The following CNTROB variants were observed in gnomAD, a reference collection of about 807,000 sequenced individuals.
CNTROB encodes the protein centrobin.
CNTROB carries 82 observed loss-of-function variants against 115.7 expected under a neutral mutation model. The observed-to-expected ratio is 0.71, with a 90% confidence interval of 0.59 to 0.85. The LOEUF (loss-of-function observed/expected upper bound fraction) is 0.85. Among genes scored for constraint, CNTROB ranks in the 40% least tolerant of loss-of-function variants. The probability of loss-of-function intolerance (pLI) is 0.00; values close to 1 mark genes in which losing one functional copy is unlikely to be tolerated. For missense variants in CNTROB, 1,014 were observed against 1,144.4 expected (o/e 0.89, Z 1.64); for synonymous variants, 439 against 456.4 (o/e 0.96, Z 0.49).
chr17:7,949,248 T>TCCACC (rs1230479645), intron 18 of CNTROB, 91 bp downstream of exon 18: 10 of 1,568,026 alleles, frequency 6.4e-6, no homozygotes, highest in Non-Finnish European at 8.8e-6. Flanking sequence ...GCCCCTCCAT[T>TCCACC]CCACCCCTGC....
chr17:7,936,563 T>C, intron 5 of CNTROB, 81 bp downstream of exon 5: 3 of 801,030 alleles, frequency 3.7e-6, no homozygotes, highest in South Asian at 2.7e-5. Flanking sequence ...CCAACCAATG[T>C]TTCTTGGTAC....
intron 7 of CNTROB, among the ~76,000 whole-genome samples, chr17:7,937,998 C>T (rs1479026556): frequency 3.6e-5 from 3 of 83,392 alleles, no homozygotes; most frequent in South Asian, 5.8e-4. Context: ...AGTTTCTTTT[C>T]GTGTTTTTTT....
At chr17:7,940,840 G>C (rs1354021283) in intron 9 of CNTROB, among the ~76,000 whole-genome samples, 2 of 152,176 alleles carry the variant, frequency 1.3e-5, no homozygotes, top group African/African-American at 4.8e-5. Context: ...GCAGGAGTTG[G>C]CGAACTTTTT....
In CNTROB at chr17:7,932,457, G is replaced by A. The variant is rs146408011; in HGVS notation, c.-623G>A. 8.2e-5 allele frequency: 13 copies of A among 158,714 alleles called. No homozygotes were observed. The South Asian group carries it at 9.8e-4, about 12-fold the overall frequency. The allele number at this position is 158,714 out of a possible 1,614,324, so 9.8% of individuals were successfully genotyped here. A position where few individuals can be genotyped will look rare whatever the true frequency, so the allele number is the denominator to read the frequency against. ...ACAAGGTTTCTTTTGGGGTGGTCGG[G>A]AGGGAGAGATTCTAGGGAACAAGGA... On this transcript the variant is annotated 5_prime_UTR_variant, in exon 1 of 19. Transcript: ENST00000563694.
At position 7,947,460 on chromosome 17, in the gene CNTROB, T is replaced by C. The variant is rs568926343; in HGVS notation, c.1994-111T>C. The C allele has an allele frequency of 8.6e-6, 9 of 1,050,478 alleles. No individual in the cohort carries two copies. The South Asian group carries it at 1.1e-4, about 13-fold the overall frequency. 65.1% of individuals were successfully genotyped at this position (1,050,478 alleles called of 1,614,324 possible). A position where few individuals can be genotyped will look rare whatever the true frequency, so the allele number is the denominator to read the frequency against. On this transcript the variant is annotated intron_variant, in intron 13 of 18. Coordinates refer to ENST00000563694, the MANE Select transcript of CNTROB (RefSeq NM_053051.5). Reference sequence around the variant, plus strand: ...CATCTTCTCTTAGCTGTGATGTTCCTCTTCCATTTAATAGGCCCCTTTCTT... The same window carrying C: ...CATCTTCTCTTAGCTGTGATGTTCCCCTTCCATTTAATAGGCCCCTTTCTT...
chr17:7,936,545 G>A, intron 5 of CNTROB, 63 bp downstream of exon 5: 2 of 813,204 alleles, frequency 2.5e-6, no homozygotes, highest in Non-Finnish European at 4.5e-6. Flanking sequence ...TAATAAATAA[G>A]TGGGTGGCCA....
chr17:7,945,542 G>A, intron 12 of CNTROB, 186 bp from the exon 13 acceptor site: 1 of 595,010 alleles, frequency 1.7e-6, no homozygotes. Context: ...TGTAGAGATG[G>A]CATCTCTCTA....
chr17:7,947,818 G>A (rs961131422), intron 14 of CNTROB, 96 bp downstream of exon 14: 17 of 1,608,780 alleles, frequency 1.1e-5, no homozygotes, highest in African/African-American at 8.0e-5. Context: ...CTCATTCCCT[G>A]TTTATGACTA....
rs1301009894 is a variant in CNTROB, at chr17:7,939,949, G to A, written c.1165-147G>A. On this transcript the variant is annotated intron_variant, in intron 8 of 18. Coordinates refer to ENST00000563694, the MANE Select transcript of CNTROB (RefSeq NM_053051.5). This position sits in a 1 kb window ranked among gnomAD's most constrained non-coding sequence, Gnocchi z 4.4. ...ATGAATACGTGAAAGGCCAAAGACT[G>A]AAATTCAACAGGGATGGGGAAATAA... The A allele has an allele frequency of 1.8e-6, 2 of 1,139,586 alleles. No individual in the cohort carries two copies. Among genetic ancestry groups the A allele is most frequent in the Non-Finnish European group, 2.5e-6 (2 of 803,760 alleles). The allele number at this position is 1,139,586 out of a possible 1,614,324, so 70.6% of individuals were successfully genotyped here.
At chr17:7,942,787 ATTTTTTTTTTT>A (rs71159534) in intron 9 of CNTROB, among the ~76,000 whole-genome samples, 134 of 35,782 alleles carry the variant, frequency 3.7e-3, no homozygotes, top group African/African-American at 0.014. Context: ...TACTCAGGGT[ATTTTTTTTTTT>A]TTTTTTTTTT....
intron 9 of CNTROB, among the ~76,000 whole-genome samples, chr17:7,941,772 C>T (rs1048445559): frequency 2.6e-5 from 4 of 151,322 alleles, no homozygotes; most frequent in African/African-American, 9.7e-5. Context: ...CCAACCTGGG[C>T]GCAATATGGC....
Position 7,944,497 on chromosome 17 carries a change from A to G in CNTROB, c.1593A>G (p.Arg531=). Residue 531 remains arginine (R), a synonymous_variant, in exon 12 of 19, where the codon CGA becomes CGG. Coordinates refer to ENST00000563694, the MANE Select transcript of CNTROB (RefSeq NM_053051.5). The surrounding 1 kb of genome is among the most constrained non-coding windows in gnomAD (Gnocchi z 4.0). ...TCAGACTGGCCCGGGAGCAAGCGCG[A>G]GTGTGCGAACTGCAGAGTGGGAACC... ...YELRLAREQA[R]VCELQSGNQQ... The G allele has an allele frequency of 6.2e-7, 1 of 1,614,022 alleles. No homozygotes were observed. The highest frequency in any genetic ancestry group is 2.2e-5 in the East Asian group (1 of 44,874).
chr17:7,934,549 G>A lies in CNTROB; in HGVS notation c.437+3G>A. On this transcript the variant is annotated splice_donor_region_variant and intron_variant, in intron 3 of 18. Transcript: ENST00000563694. ...GATAGCACAGCCACCTTGCTCAAGT[G>A]AGTTCTCCTTGTGGTTCTCCTAGCT... 1 of 1,611,526 alleles carries A rather than the reference G, an allele frequency of 6.2e-7. No homozygotes were observed. Among genetic ancestry groups the A allele is most frequent in the Non-Finnish European group, 8.5e-7 (1 of 1,177,662 alleles).
At chr17:7,940,375 A>C in intron 9 of CNTROB, 133 bp downstream of exon 9, 2 of 769,430 alleles carry the variant, frequency 2.6e-6, no homozygotes, top group Non-Finnish European at 3.9e-6. Flanking sequence ...GTTTCTATGT[A>C]GTATGGGTAG....
chr17:7,949,248 T>C (rs1974922664), intron 18 of CNTROB, 91 bp downstream of exon 18: 1 of 1,567,908 alleles, frequency 6.4e-7, no homozygotes, highest in African/African-American at 1.4e-5. Flanking sequence ...GCCCCTCCAT[T>C]CCACCCCTGC....
In CNTROB at chr17:7,944,268, C is replaced by A; in HGVS notation, c.1571+20C>A. The A allele has an allele frequency of 6.2e-7, 1 of 1,611,870 alleles. No individual in the cohort carries two copies. Among genetic ancestry groups the A allele is most frequent in the Non-Finnish European group, 8.5e-7 (1 of 1,177,946 alleles). Reference sequence around the variant, plus strand: ...GCTCAGGTCCTGGTCCCCAGAGTGCCCCTTTCAGGCCCCAGCCCCTTTCCC... The same window carrying A: ...GCTCAGGTCCTGGTCCCCAGAGTGCACCTTTCAGGCCCCAGCCCCTTTCCC... On this transcript the variant is annotated intron_variant, in intron 11 of 18. Coordinates refer to ENST00000563694, the MANE Select transcript of CNTROB (RefSeq NM_053051.5). This position sits in a 1 kb window ranked among gnomAD's most constrained non-coding sequence, Gnocchi z 4.0.
rs1047577290 is a variant in CNTROB at position 7,943,003 on chromosome 17, G to A, written c.1312-388G>A. On this transcript the variant is annotated intron_variant, in intron 9 of 18. Transcript: ENST00000563694. This position sits in a 1 kb window ranked among gnomAD's most constrained non-coding sequence, Gnocchi z 4.7. The stretch of plus-strand genomic sequence containing the variant: ...TTTTTAGTAGAAACGGGGTTTCACC[G>A]TGTTAGCCAAGATGGTCTCGATCTC... Among the ~76,000 whole-genome samples, 6 of 151,032 alleles carry A rather than the reference G, an allele frequency of 4.0e-5. No individual in the cohort carries two copies. The highest frequency in any genetic ancestry group is 7.3e-5 in the African/African-American group (3 of 41,066).
intron 1 of CNTROB, 42 bp downstream of exon 1, chr17:7,933,391 C>T: frequency 6.4e-7 from 1 of 1,563,344 alleles, no homozygotes; most frequent in Non-Finnish European, 8.7e-7. Flanking sequence ...GCACTAGACA[C>T]CAGAGAGTCT....
In CNTROB at chr17:7,935,069, G is replaced by A. The variant is rs748134774; in HGVS notation, c.518G>A (p.Arg173Gln). ...EELFPRYTSL[R>Q]PGPPLNPPDF... is the part of the protein sequence containing the mutation. ...CTGTTTCCCCGCTACACCAGCCTTC[G>A]GCCAGGGCCTCCACTCAATCCCCCA... is the stretch of plus-strand genomic sequence containing the variant. Residue 173 changes from arginine to glutamine, a missense_variant, in exon 4 of 19, where the codon CGG becomes CAG. Coordinates refer to ENST00000563694, the MANE Select transcript of CNTROB (RefSeq NM_053051.5). The A allele has an allele frequency of 1.5e-5, 25 of 1,614,006 alleles. No individual in the cohort carries two copies. The highest frequency in any genetic ancestry group is 1.0e-4 in the Admixed American group (6 of 59,990).
Sources: gnomAD v4.1 joint callset for allele counts (sites outside exome capture counted in the v4.1 genomes callset) on GRCh38, gnomAD v4.1.1 for gene constraint, Gnocchi (gnomAD v3.1) non-coding constraint, MANE v1.5 for transcripts, NCBI Gene and HGNC (gene_info 2026-07-23, HGNC 2026-07-21) for gene names.